The following ATP6V0D1 variants were observed in gnomAD, a reference collection of about 807,000 sequenced individuals.
ATP6V0D1 encodes the protein ATPase H+ transporting V0 subunit d1.
In ATP6V0D1, 13 loss-of-function variants were observed where a neutral mutation model predicts 39.0. The ratio of observed to expected loss-of-function variants is 0.33; its 90% CI spans 0.22 to 0.53. ATP6V0D1 has a LOEUF of 0.53. ATP6V0D1 is among the 20% of genes least tolerant of loss of function. ATP6V0D1 has a pLI of 0.94. For missense variants in ATP6V0D1, 272 were observed against 470.9 expected (o/e 0.58, Z 3.91); for synonymous variants, 191 against 191.2 (o/e 1.00, Z 0.01).
intron 2 of ATP6V0D1, among the ~76,000 whole-genome samples, chr16:67,448,986 G>A (rs2041148038): frequency 1.3e-5 from 2 of 152,232 alleles, no homozygotes; most frequent in South Asian, 2.1e-4. Flanking sequence ...GGGAGTGGGG[G>A]CCAGAGGAAC....
At chr16:67,480,380 G>A (rs2142340478) in intron 1 of ATP6V0D1, among the ~76,000 whole-genome samples, 1 of 152,166 alleles carries the variant, frequency 6.6e-6, no homozygotes, top group South Asian at 2.1e-4. Flanking sequence ...AGACCTGCAA[G>A]GGCCACCCTT....
intron 5 of ATP6V0D1, 28 bp downstream of exon 5, chr16:67,439,246 G>T (rs1280035261): frequency 6.2e-7 from 1 of 1,614,018 alleles, no homozygotes; most frequent in Admixed American, 1.7e-5. Flanking sequence ...GCGGGCACCA[G>T]CAGGCAGGAG....
Position 67,471,301 on chromosome 16 carries a change from C to T in ATP6V0D1, c.130+9656G>A, listed in dbSNP as rs529448826. Among the ~76,000 whole-genome samples the T allele has an allele frequency of 1.3e-3, 197 of 152,306 alleles. 1 individual carries two copies. Among genetic ancestry groups the T allele is most frequent in the Non-Finnish European group, 2.4e-3 (166 of 68,024 alleles). ...CTCCTGGGTTCAAGCAATTCTCCTGCCTCACCCTCCCAAGTAGCTGGGGAT... is the reference window on the plus strand; with the variant it reads ...CTCCTGGGTTCAAGCAATTCTCCTGTCTCACCCTCCCAAGTAGCTGGGGAT... On this transcript the variant is annotated intron_variant, in intron 1 of 7. Transcript: ENST00000290949.
intron 1 of ATP6V0D1, among the ~76,000 whole-genome samples, chr16:67,460,177 G>C (rs1262184517): frequency 1.3e-5 from 2 of 152,186 alleles, no homozygotes; most frequent in Non-Finnish European, 2.9e-5. Flanking sequence ...CACTCCCCTG[G>C]GCCTGGCTGA....
At chr16:67,446,089 G>C (rs1291791182) in intron 2 of ATP6V0D1, 1 of 385,406 alleles carries the variant, frequency 2.6e-6, no homozygotes, top group Admixed American at 2.9e-5. Context: ...TGTGCAACTA[G>C]TGCTCAGGCT....
intron 1 of ATP6V0D1, among the ~76,000 whole-genome samples, chr16:67,476,591 A>G (rs962357720): frequency 6.6e-6 from 1 of 152,250 alleles, no homozygotes; most frequent in Non-Finnish European, 1.5e-5. Context: ...TTACAGGCAT[A>G]GAAGTAGTCA....
At chr16:67,478,714 G>C (rs1421384460) in intron 1 of ATP6V0D1, among the ~76,000 whole-genome samples, 1 of 151,512 alleles carries the variant, frequency 6.6e-6, no homozygotes, top group Non-Finnish European at 1.5e-5. Context: ...CTACAAGGTG[G>C]GGCAGAGGGC....
At chr16:67,448,266 CA>C (rs1441839317) in intron 2 of ATP6V0D1, among the ~76,000 whole-genome samples, 2 of 146,056 alleles carry the variant, frequency 1.4e-5, no homozygotes, top group Non-Finnish European at 2.9e-5. Flanking sequence ...GCAGGAGGAT[CA>C]CTTGAGCCCA....
intron 1 of ATP6V0D1, among the ~76,000 whole-genome samples, chr16:67,462,602 A>ATCCC (rs2041297313): frequency 6.6e-6 from 1 of 152,190 alleles, no homozygotes; most frequent in African/African-American, 2.4e-5. Flanking sequence ...AGGTGAGGGA[A>ATCCC]TCACTTGACC....
chr16:67,473,560 G>T (rs1239947150), intron 1 of ATP6V0D1, among the ~76,000 whole-genome samples: 2 of 152,186 alleles, frequency 1.3e-5, no homozygotes, highest in East Asian at 3.8e-4. Flanking sequence ...GTCTCGCTCA[G>T]TCGCCCAGGC....
At chr16:67,460,498 A>C (rs2041280732) in intron 1 of ATP6V0D1, among the ~76,000 whole-genome samples, 1 of 151,846 alleles carries the variant, frequency 6.6e-6, no homozygotes. Flanking sequence ...CAGCATAGAA[A>C]CCATTAACCC....
chr16:67,463,392 G>A (rs942528237), intron 1 of ATP6V0D1, among the ~76,000 whole-genome samples: 1 of 152,096 alleles, frequency 6.6e-6, no homozygotes, highest in Non-Finnish European at 1.5e-5. Flanking sequence ...TTAGCCAGAT[G>A]TGGCAGCATG....
Position 67,481,107 on chromosome 16 carries a change from G to C in ATP6V0D1, c.-21C>G, listed in dbSNP as rs778703694. ...GACATGGCTGCTGCGGGAGCGGCGG[G>C]ACCGGAGAACCAGGACCGGCCGGCA... On this transcript the variant is annotated 5_prime_UTR_variant, in exon 1 of 8. Coordinates refer to ENST00000290949, the MANE Select transcript of ATP6V0D1 (RefSeq NM_004691.5). The C allele has an allele frequency of 5.0e-6, 8 of 1,613,540 alleles. No homozygotes were observed. The highest frequency in any genetic ancestry group is 2.2e-5 in the South Asian group (2 of 91,020).
chr16:67,454,053 T>C (rs1028557821), intron 1 of ATP6V0D1, among the ~76,000 whole-genome samples: 6 of 152,156 alleles, frequency 3.9e-5, no homozygotes, highest in Non-Finnish European at 7.4e-5. Flanking sequence ...TGTTAAGCTG[T>C]AGGCTGGCCC....
chr16:67,442,487 C>G (rs1460887614), intron 4 of ATP6V0D1, among the ~76,000 whole-genome samples: 2 of 150,204 alleles, frequency 1.3e-5, no homozygotes, highest in Admixed American at 6.6e-5. Flanking sequence ...AAACTTTCCT[C>G]TCCTCTCCGG....
chr16:67,468,314 G>A (rs992994496), intron 1 of ATP6V0D1, among the ~76,000 whole-genome samples: 6 of 152,000 alleles, frequency 3.9e-5, no homozygotes, highest in East Asian at 1.9e-4. Context: ...GGAGCTAAGC[G>A]TGATGGCTCA....
At position 67,481,134 on chromosome 16, in the gene ATP6V0D1, G is replaced by A. The variant is rs769518674; in HGVS notation, c.-48C>T. ...CCGGAGAACCAGGACCGGCCGGCAC[G>A]AATCGCGACTCCCCAGGTCAGCTGA... On this transcript the variant is annotated 5_prime_UTR_variant, in exon 1 of 8. Coordinates refer to ENST00000290949, the MANE Select transcript of ATP6V0D1 (RefSeq NM_004691.5). 1 of 1,610,214 alleles carries A rather than the reference G, an allele frequency of 6.2e-7. No individual in the cohort carries two copies. The highest frequency in any genetic ancestry group is 1.3e-5 in the African/African-American group (1 of 75,006).
chr16:67,446,980 C>T lies in ATP6V0D1; in HGVS notation c.303-2274G>A, dbSNP rs568365500. On this transcript the variant is annotated intron_variant, in intron 2 of 7. Transcript: ENST00000290949. ...AGCTCCACGTCCCCATGGCCAATGT[C>T]CACACACCTCCACCCATGACCAGGG... is the stretch of plus-strand genomic sequence containing the variant. 1.5e-3 allele frequency among the ~76,000 whole-genome samples: 221 copies of T among 152,264 alleles called. No individual in the cohort carries two copies. The South Asian group carries it at 0.017, about 12-fold the overall frequency.
chr16:67,451,116 A>G (rs1350161887), intron 2 of ATP6V0D1, among the ~76,000 whole-genome samples: 1 of 152,156 alleles, frequency 6.6e-6, no homozygotes. Flanking sequence ...GCTGGCTAAG[A>G]GGGTGAGCAT....
Sources: gnomAD v4.1 joint callset for allele counts (sites outside exome capture counted in the v4.1 genomes callset) on GRCh38, gnomAD v4.1.1 for gene constraint, MANE v1.5 for transcripts, NCBI Gene and HGNC (gene_info 2026-07-23, HGNC 2026-07-21) for gene names.